CALN1: variants seen among roughly 807,000 people sequenced by gnomAD.
CALN1 encodes calcium-binding protein 8.
In CALN1, 17 loss-of-function variants were observed where a neutral mutation model predicts 30.6. The observed-to-expected ratio is 0.56, with a 90% confidence interval of 0.38 to 0.83. CALN1 has a LOEUF of 0.83. Ranked by LOEUF, CALN1 falls within the 40% of genes least tolerant of loss-of-function variation. The pLI is 0.00. For missense variants in CALN1, 291 were observed against 354.9 expected (o/e 0.82, Z 1.45); for synonymous variants, 156 against 131.4 (o/e 1.19, Z -1.28).
chr7:72,062,511 CA>C (rs376093442), intron 4 of CALN1, among the ~76,000 whole-genome samples: 742 of 59,346 alleles, frequency 0.013, 1 homozygote, highest in African/African-American at 0.035. Flanking sequence ...GACTCTATCT[CA>C]AAAAAAAAAA....
chr7:72,217,179 C>T (rs1006604446), intron 3 of CALN1, among the ~76,000 whole-genome samples: 40 of 152,292 alleles, frequency 2.6e-4, no homozygotes, highest in African/African-American at 8.9e-4. Context: ...CACACCCAAA[C>T]TCCCCCTAAG....
chr7:71,884,128 T>A (rs1352537368), intron 5 of CALN1, among the ~76,000 whole-genome samples: 2 of 152,164 alleles, frequency 1.3e-5, no homozygotes, highest in Non-Finnish European at 2.9e-5. Flanking sequence ...TTGGCCAGGA[T>A]GGTCTTGATC....
intron 1 of CALN1, among the ~76,000 whole-genome samples, chr7:72,406,297 C>T (rs944898004): frequency 2.0e-5 from 3 of 152,174 alleles, no homozygotes; most frequent in African/African-American, 7.2e-5. Context: ...ATAAGACAGA[C>T]CTCCATCTTC....
At chr7:71,978,699 A>C (rs1798234187) in intron 5 of CALN1, among the ~76,000 whole-genome samples, 1 of 152,204 alleles carries the variant, frequency 6.6e-6, no homozygotes, top group African/African-American at 2.4e-5. Flanking sequence ...TTGTGCATAT[A>C]GAGAGAGACC....
intron 2 of CALN1, among the ~76,000 whole-genome samples, chr7:72,377,770 G>C (rs1804656109): frequency 6.6e-6 from 1 of 152,036 alleles, no homozygotes; most frequent in Non-Finnish European, 1.5e-5. Context: ...AGCTCTGTTA[G>C]GTTTCTCCAA....
chr7:72,211,814 C>T (rs1361668604), intron 3 of CALN1, among the ~76,000 whole-genome samples: 2 of 152,036 alleles, frequency 1.3e-5, no homozygotes, highest in Non-Finnish European at 2.9e-5. Context: ...CTTTCTTCCA[C>T]GTATTAGCTG....
intron 2 of CALN1, among the ~76,000 whole-genome samples, chr7:72,314,221 C>G (rs1261019164): frequency 1.3e-5 from 2 of 152,152 alleles, no homozygotes; most frequent in Non-Finnish European, 2.9e-5. Context: ...AGCAGCTGAG[C>G]CTACGCCTGA....
chr7:72,200,574 G>A (rs1026534709), intron 3 of CALN1, among the ~76,000 whole-genome samples: 2 of 152,120 alleles, frequency 1.3e-5, no homozygotes, highest in African/African-American at 4.8e-5. Flanking sequence ...AATGGAGCTG[G>A]TGGGGTGGAG....
At chr7:72,216,209 G>A (rs1464095039) in intron 3 of CALN1, among the ~76,000 whole-genome samples, 1 of 151,932 alleles carries the variant, frequency 6.6e-6, no homozygotes, top group Non-Finnish European at 1.5e-5. Flanking sequence ...GAGGCCAGGA[G>A]TTCGAGACCA....
At chr7:72,044,599 CTTTTTTTTTTTTTTTTT>C (rs549079139) in intron 4 of CALN1, among the ~76,000 whole-genome samples, 3 of 96,684 alleles carry the variant, frequency 3.1e-5, no homozygotes, top group African/African-American at 4.1e-5. Context: ...CCGCTTAAAA[CTTTTTTTTTTTTTTTTT>C]TTTTTTTTTT....
intron 5 of CALN1, among the ~76,000 whole-genome samples, chr7:71,844,280 C>T (rs537456057): frequency 6.6e-6 from 1 of 152,246 alleles, no homozygotes; most frequent in East Asian, 1.9e-4. Flanking sequence ...CCAGAAATAG[C>T]TTGGAGCAAG....
chr7:72,399,914 C>G (rs1806224460), intron 2 of CALN1, among the ~76,000 whole-genome samples: 1 of 152,070 alleles, frequency 6.6e-6, no homozygotes. Flanking sequence ...CATGCAAGAG[C>G]TAGTTGTTAA....
chr7:71,912,053 G>C lies in CALN1; in HGVS notation c.502-101561C>G, dbSNP rs992576507. 1.7e-4 allele frequency among the ~76,000 whole-genome samples: 26 copies of C among 151,936 alleles called. 1 individual carries two copies. Among genetic ancestry groups the C allele is most frequent in the Admixed American group, 5.2e-4 (8 of 15,246 alleles). ...TTTTTTCCTCTCTGCAAAGCTAACT[G>C]GGTGAAACGGGCTCAATCCTAAGAT... On this transcript the variant is annotated intron_variant, in intron 5 of 6. Transcript: ENST00000395275.
chr7:72,143,067 C>T (rs561325914), intron 3 of CALN1, among the ~76,000 whole-genome samples: 1 of 152,222 alleles, frequency 6.6e-6, no homozygotes, highest in African/African-American at 2.4e-5. Flanking sequence ...AATCAAAGTG[C>T]CTCTCCTCCT....
At chr7:72,089,421 C>T (rs563672985) in intron 4 of CALN1, among the ~76,000 whole-genome samples, 6 of 152,084 alleles carry the variant, frequency 3.9e-5, no homozygotes, top group East Asian at 1.9e-4. Context: ...AACAAAATGA[C>T]GGAATTAAGA....
intron 5 of CALN1, among the ~76,000 whole-genome samples, chr7:71,983,689 G>GC (rs1392638894): frequency 6.6e-6 from 1 of 152,136 alleles, no homozygotes; most frequent in African/African-American, 2.4e-5. Context: ...CCGCTACCAT[G>GC]CCTGGCTAAT....
intron 5 of CALN1, among the ~76,000 whole-genome samples, chr7:71,965,060 C>T (rs771987411): frequency 3.9e-5 from 6 of 152,132 alleles, no homozygotes; most frequent in Non-Finnish European, 7.3e-5. Flanking sequence ...CATGGTCTCA[C>T]TCTGTCCCCC....
intron 3 of CALN1, among the ~76,000 whole-genome samples, chr7:72,219,054 T>C (rs1205845685): frequency 9.9e-5 from 15 of 152,190 alleles, no homozygotes; most frequent in Admixed American, 9.8e-4. Flanking sequence ...CACTCTTGAC[T>C]CTGACAACTA....
chr7:72,261,816 T>C (rs1187532869), intron 3 of CALN1, among the ~76,000 whole-genome samples: 1 of 152,114 alleles, frequency 6.6e-6, no homozygotes, highest in Non-Finnish European at 1.5e-5. Context: ...AACAAACTCT[T>C]AATATTGAAG....
Sources: allele counts gnomAD v4.1 joint callset (sites outside exome capture counted in the v4.1 genomes callset), GRCh38; gene constraint gnomAD v4.1.1; transcripts MANE v1.5; gene names NCBI Gene and HGNC (gene_info 2026-07-23, HGNC 2026-07-21).